The following ATP6V0A4 variants were observed in gnomAD, a reference collection of about 807,000 sequenced individuals.
ATP6V0A4 encodes ATPase H+ transporting V0 subunit a4.
In ATP6V0A4, 86 loss-of-function variants were observed where a neutral mutation model predicts 107.3. The ratio of observed to expected loss-of-function variants is 0.80; its 90% confidence interval spans 0.67 to 0.96. The LOEUF (loss-of-function observed/expected upper bound fraction) is 0.96, where lower values mean the gene tolerates loss of function less well. ATP6V0A4 is among the 40% of genes least tolerant of loss of function. The pLI is 0.00. For synonymous variants in ATP6V0A4, 353 were observed against 381.4 expected (o/e 0.93, Z 0.87); for missense variants, 908 against 1,045.6 (o/e 0.87, Z 1.81).
chr7:138,759,052 A>ATTT (rs33940158), intron 8 of ATP6V0A4, among the ~76,000 whole-genome samples: 1,510 of 54,556 alleles, frequency 0.028, 180 homozygotes, highest in East Asian at 0.069. Context: ...TGCCCAGCCT[A>ATTT]TTTTTTTTTT....
chr7:138,755,607 G>T, intron 10 of ATP6V0A4, 82 bp downstream of exon 10: 1 of 1,582,826 alleles, frequency 6.3e-7, no homozygotes, highest in Non-Finnish European at 8.6e-7. Context: ...CAAGGGCCCT[G>T]GGGGGCAGGG....
chr7:138,763,972 A>G (rs1806957754), intron 5 of ATP6V0A4, among the ~76,000 whole-genome samples: 1 of 143,400 alleles, frequency 7.0e-6, no homozygotes, highest in African/African-American at 2.5e-5. Flanking sequence ...GTCTCAAAAA[A>G]AAAATATATA....
chr7:138,725,357 A>C (rs1230638328), intron 18 of ATP6V0A4, among the ~76,000 whole-genome samples: 1 of 152,184 alleles, frequency 6.6e-6, no homozygotes, highest in African/African-American at 2.4e-5. Flanking sequence ...AATTACTAAC[A>C]CTGCAATGTT....
At chr7:138,706,952 G>C (rs1272223337) in intron 21 of ATP6V0A4, among the ~76,000 whole-genome samples, 1 of 132,902 alleles carries the variant, frequency 7.5e-6, no homozygotes, top group African/African-American at 3.0e-5. Flanking sequence ...GGAGTGCAGT[G>C]TCGTGATCTT....
chr7:138,774,639 T>TATACATTATATATTATATATTATATAC (rs1807565036), intron 2 of ATP6V0A4, among the ~76,000 whole-genome samples: 2 of 137,618 alleles, frequency 1.5e-5, no homozygotes, highest in African/African-American at 2.6e-5. Flanking sequence ...ACATTATATA[T>TATACATTATATATTATATATTATATAC]ATTATATACA....
chr7:138,770,512 G>A (rs1807327236), intron 3 of ATP6V0A4, among the ~76,000 whole-genome samples: 1 of 152,210 alleles, frequency 6.6e-6, no homozygotes. Context: ...AACTAGGGAT[G>A]CGAACAACAA....
rs374725491 is a variant in ATP6V0A4 at position 138,757,190 on chromosome 7, A to G, written c.640-650T>C. ...TGAGCTGAAACAATGCATTCTTCCA[A>G]TCTTATTTAGTTTGAGGGGGTAAAG... On this transcript the variant is annotated intron_variant, in intron 8 of 21. Transcript: ENST00000310018. 2.7e-4 allele frequency among the ~76,000 whole-genome samples: 41 copies of G among 152,304 alleles called. 1 individual carries two copies. Among genetic ancestry groups the G allele is most frequent in the African/African-American group, 9.4e-4 (39 of 41,576 alleles).
chr7:138,771,170 C>T lies in ATP6V0A4; in HGVS notation c.78G>A (p.Val26=), dbSNP rs750843841. ...FLQVEAAYCC[V]AELGELGLVQ... is the part of the protein sequence containing the mutation. ...CCAATCCGAGCTCTCCGAGCTCAGC[C>T]ACACAGCAATATGCAGCTTCCACCT... is the stretch of plus-strand genomic sequence containing the variant. Residue 26 remains valine (V), a synonymous_variant, in exon 3 of 22, where the codon GTG becomes GTA. Coordinates refer to ENST00000310018, the MANE Select transcript of ATP6V0A4 (RefSeq NM_020632.3). 1 of 1,614,188 alleles carries T rather than the reference C, an allele frequency of 6.2e-7. No individual in the cohort carries two copies. The highest frequency in any genetic ancestry group is 2.2e-5 in the East Asian group (1 of 44,878).
intron 12 of ATP6V0A4, among the ~76,000 whole-genome samples, chr7:138,748,415 T>G (rs1427090939): frequency 6.6e-6 from 1 of 151,826 alleles, no homozygotes; most frequent in Admixed American, 6.6e-5. Context: ...TTTTATTTTA[T>G]CTATTTTTTG....
intron 10 of ATP6V0A4, 111 bp downstream of exon 10, chr7:138,755,578 A>C: frequency 2.1e-6 from 3 of 1,451,928 alleles, no homozygotes; most frequent in African/African-American, 1.4e-5. Flanking sequence ...CATAGCCAGC[A>C]TTCCAGCCAG....
intron 20 of ATP6V0A4, among the ~76,000 whole-genome samples, chr7:138,711,036 G>A (rs571896155): frequency 3.9e-5 from 6 of 152,078 alleles, no homozygotes; most frequent in Admixed American, 2.0e-4. Flanking sequence ...AGGGGCAAAT[G>A]CCACACAGCC....
intron 14 of ATP6V0A4, among the ~76,000 whole-genome samples, chr7:138,743,628 G>A (rs1003307525): frequency 6.6e-6 from 1 of 152,152 alleles, no homozygotes; most frequent in African/African-American, 2.4e-5. Context: ...TTCCTTGGGA[G>A]AGGAAGAATG....
At chr7:138,721,849 A>G (rs1804435884) in intron 19 of ATP6V0A4, 48 bp downstream of exon 19, 1 of 1,606,678 alleles carries the variant, frequency 6.2e-7, no homozygotes. Flanking sequence ...CCATTCTAGA[A>G]TTTGTACAAA....
intron 2 of ATP6V0A4, among the ~76,000 whole-genome samples, chr7:138,772,703 G>T (rs568280674): frequency 2.6e-5 from 4 of 152,132 alleles, no homozygotes; most frequent in Admixed American, 6.6e-5. Context: ...CCACCAGCCC[G>T]CACACAGCAT....
chr7:138,766,200 A>ATTTTT (rs1398843206), intron 5 of ATP6V0A4, among the ~76,000 whole-genome samples: 6 of 84,320 alleles, frequency 7.1e-5, no homozygotes, highest in South Asian at 3.9e-4. Flanking sequence ...TCATGTTATT[A>ATTTTT]TTATTTTTTT....
intron 2 of ATP6V0A4, among the ~76,000 whole-genome samples, chr7:138,781,025 C>T (rs934610551): frequency 6.6e-6 from 1 of 152,200 alleles, no homozygotes; most frequent in African/African-American, 2.4e-5. Flanking sequence ...AATAAGTCTA[C>T]AATAGTTGTT....
intron 2 of ATP6V0A4, among the ~76,000 whole-genome samples, chr7:138,778,565 G>C (rs1031405208): frequency 6.6e-6 from 1 of 152,100 alleles, no homozygotes; most frequent in Middle Eastern, 3.2e-3. Flanking sequence ...GCAGAAGCCA[G>C]TACATGTGCA....
chr7:138,744,909 G>T (rs764075903), intron 14 of ATP6V0A4, among the ~76,000 whole-genome samples: 1 of 152,238 alleles, frequency 6.6e-6, no homozygotes, highest in Non-Finnish European at 1.5e-5. Context: ...CACCATGTCG[G>T]CCAGGCTGGT....
At chr7:138,774,603 A>C (rs934187372) in intron 2 of ATP6V0A4, among the ~76,000 whole-genome samples, 3 of 144,952 alleles carry the variant, frequency 2.1e-5, no homozygotes, top group Non-Finnish European at 3.0e-5. Context: ...ATAAATATAT[A>C]TATCTATATA....
Sources: allele counts gnomAD v4.1 joint callset (sites outside exome capture counted in the v4.1 genomes callset), GRCh38; gene constraint gnomAD v4.1.1; transcripts MANE v1.5; gene names NCBI Gene and HGNC (gene_info 2026-07-23, HGNC 2026-07-21).